The following PLD5 variants were observed in gnomAD, a reference collection of about 807,000 sequenced individuals.
PLD5 encodes phospholipase D family member 5.
A neutral mutation model predicts 61.1 loss-of-function variants in PLD5; 36 were observed. That is an observed-to-expected ratio of 0.59 (90% CI 0.45 to 0.78). The LOEUF (loss-of-function observed/expected upper bound fraction) is 0.78, where lower values mean the gene tolerates loss of function less well. Ranked by LOEUF, PLD5 falls within the 30% of genes least tolerant of loss-of-function variation. The pLI, the probability that PLD5 is intolerant of heterozygous loss-of-function variation, is 0.00. For missense variants in PLD5, 515 were observed against 644.4 expected (o/e 0.80, Z 2.17); for synonymous variants, 243 against 242.8 (o/e 1.00, Z -0.01).
rs7525645 is a variant in PLD5, at chr1:242,378,306, C to T, written c.190-30064G>A. Among the ~76,000 whole-genome samples, 790 of 152,100 alleles carry T rather than the reference C, an allele frequency of 5.2e-3. 9 individuals carry two copies. The highest frequency in any genetic ancestry group is 0.025 in the Admixed American group (380 of 15,270). On this transcript the variant is annotated intron_variant, in intron 1 of 9. Transcript: ENST00000536534. ...CACTTACACGAGGTACTTAGTGTAG[C>T]CAAATTCAAAGAGAAAAAAGTAGAA...
chr1:242,253,150 C>T (rs1428231927), intron 4 of PLD5, among the ~76,000 whole-genome samples: 1 of 123,124 alleles, frequency 8.1e-6, no homozygotes, highest in East Asian at 2.4e-4. Flanking sequence ...GGCAGGGTCT[C>T]ACTCTATCGC....
chr1:242,215,044 T>C (rs1190734719), intron 5 of PLD5, among the ~76,000 whole-genome samples: 1 of 12,398 alleles, frequency 8.1e-5, no homozygotes, highest in African/African-American at 1.3e-4. Context: ...GCCTGGCCAA[T>C]TTTTTTTTTT....
chr1:242,301,387 T>A (rs1182134634), intron 2 of PLD5, among the ~76,000 whole-genome samples: 1 of 152,228 alleles, frequency 6.6e-6, no homozygotes, highest in Non-Finnish European at 1.5e-5. Context: ...ATATGCCACC[T>A]GAAAATATGC....
rs546904423 is a variant in PLD5 at position 242,407,054 on chromosome 1, C to T, written c.190-58812G>A. Among the ~76,000 whole-genome samples, 57 of 152,228 alleles carry T rather than the reference C, an allele frequency of 3.7e-4. 1 individual carries two copies. Among genetic ancestry groups the T allele is most frequent in the Middle Eastern group, 3.4e-3 (1 of 294 alleles). ...ATCTGATCTTGAATTTTATGTAGCT[C>T]TTATAATTCCCATGTCTTGTGGGAG... On this transcript the variant is annotated intron_variant, in intron 1 of 9. Transcript: ENST00000536534.
chr1:242,365,993 G>C (rs148989767), intron 1 of PLD5, among the ~76,000 whole-genome samples: 3 of 152,156 alleles, frequency 2.0e-5, no homozygotes. Flanking sequence ...GGCATCATTA[G>C]TGAGTTCTGT....
rs1427098512 is a variant in PLD5 at position 242,524,570 on chromosome 1, C to G, written c.-294G>C. Reference sequence around the variant, plus strand: ...GGGGGACGGACGGGGAGAAGGGGGACGAGAGGGGACAGGGAGGGAAAGGAA... The same window carrying G: ...GGGGGACGGACGGGGAGAAGGGGGAGGAGAGGGGACAGGGAGGGAAAGGAA... On this transcript the variant is annotated 5_prime_UTR_variant, in exon 1 of 10. Coordinates refer to ENST00000536534, the MANE Select transcript of PLD5 (RefSeq NM_001372062.1). 4.7e-6 allele frequency: 1 copy of G among 211,490 alleles called. No homozygotes were observed. The highest frequency in any genetic ancestry group is 2.7e-5 in the African/African-American group (1 of 36,888). 13.1% of individuals were successfully genotyped at this position (211,490 alleles called of 1,614,324 possible).
In PLD5 at chr1:242,436,250, C is replaced by T. The variant is rs113142137; in HGVS notation, c.189+87838G>A. Among the ~76,000 whole-genome samples, 1,287 of 152,230 alleles carry T rather than the reference C, an allele frequency of 8.5e-3. 19 individuals carry two copies. The highest frequency in any genetic ancestry group is 0.026 in the African/African-American group (1,079 of 41,512). Reference sequence around the variant, plus strand: ...ATCCCATTTACTTTAACATTTCTTTCGTAGGTCTTATTTTTCATCCTCTAA... The same window carrying T: ...ATCCCATTTACTTTAACATTTCTTTTGTAGGTCTTATTTTTCATCCTCTAA... On this transcript the variant is annotated intron_variant, in intron 1 of 9. Transcript: ENST00000536534.
At chr1:242,269,506 G>A (rs2149109812) in intron 3 of PLD5, among the ~76,000 whole-genome samples, 1 of 150,828 alleles carries the variant, frequency 6.6e-6, no homozygotes, top group Non-Finnish European at 1.5e-5. Flanking sequence ...GCTGGGCCCA[G>A]GAATCAAACT....
chr1:242,154,647 T>G (rs1665211737), intron 5 of PLD5, among the ~76,000 whole-genome samples: 1 of 152,168 alleles, frequency 6.6e-6, no homozygotes, highest in South Asian at 2.1e-4. Flanking sequence ...GGATTACATT[T>G]ATTGATTTGT....
intron 1 of PLD5, among the ~76,000 whole-genome samples, chr1:242,520,417 G>T (rs1558166232): frequency 6.6e-6 from 1 of 152,132 alleles, no homozygotes; most frequent in Non-Finnish European, 1.5e-5. Flanking sequence ...GCAAACCAGC[G>T]ACTTCTCTAA....
intron 3 of PLD5, among the ~76,000 whole-genome samples, chr1:242,283,725 C>A (rs1674854428): frequency 1.3e-5 from 2 of 152,136 alleles, no homozygotes; most frequent in South Asian, 4.2e-4. Flanking sequence ...ACGCAATAAA[C>A]CAATGAGAGA....
chr1:242,417,642 C>G (rs529327907), intron 1 of PLD5, among the ~76,000 whole-genome samples: 1 of 152,320 alleles, frequency 6.6e-6, no homozygotes, highest in South Asian at 2.1e-4. Context: ...CCAGCATGCC[C>G]TTGAATTCCT....
chr1:242,312,978 T>C (rs2149176065), intron 2 of PLD5, among the ~76,000 whole-genome samples: 1 of 152,356 alleles, frequency 6.6e-6, no homozygotes, highest in East Asian at 1.9e-4. Context: ...CTTCCTAGTC[T>C]GCCATCTTCC....
intron 9 of PLD5, among the ~76,000 whole-genome samples, chr1:242,094,998 G>GCA (rs201498162): frequency 0.24 from 36,861 of 150,882 alleles, 4,597 homozygotes; most frequent in South Asian, 0.32. Context: ...GAGTGCAGTG[G>GCA]CAATCTCGGC....
chr1:242,501,013 TA>T (rs1668538146), intron 1 of PLD5, among the ~76,000 whole-genome samples: 1 of 152,148 alleles, frequency 6.6e-6, no homozygotes, highest in African/African-American at 2.4e-5. Flanking sequence ...TACCTTTTCA[TA>T]AAAAGGAAAA....
At position 242,107,905 on chromosome 1, in the gene PLD5, C is replaced by T; in HGVS notation, c.1071-66G>A. The T allele has an allele frequency of 2.9e-6, 4 of 1,391,414 alleles. No homozygotes were observed. In the South Asian group the frequency reaches 5.6e-5, roughly 19 times the overall value. The allele number at this position is 1,391,414 out of a possible 1,614,324, so 86.2% of individuals were successfully genotyped here. A position where few individuals can be genotyped will look rare whatever the true frequency, so the allele number is the denominator to read the frequency against. On this transcript the variant is annotated intron_variant, in intron 7 of 9. Coordinates refer to ENST00000536534, the MANE Select transcript of PLD5 (RefSeq NM_001372062.1). ...AGTTTGGGAAAAGAAATTTACTAGA[C>T]AGCATAGAACATTGATATTACTCAG...
rs1663112779 is a variant in PLD5, at chr1:242,393,630, A to ACATATATGTGTATATATATGAG, written c.190-45389_190-45388insCTCATATATATACACATATATG. Among the ~76,000 whole-genome samples the ACATATATGTGTATATATATGAG allele has an allele frequency of 2.0e-5, 2 of 100,836 alleles. 1 individual carries two copies. Among genetic ancestry groups the ACATATATGTGTATATATATGAG allele is most frequent in the Non-Finnish European group, 3.8e-5 (2 of 52,440 alleles). The allele number at this position is 100,836 out of a possible 152,430, so 66.2% of individuals were successfully genotyped here. A position where few individuals can be genotyped will look rare whatever the true frequency, so the allele number is the denominator to read the frequency against. On this transcript the variant is annotated intron_variant, in intron 1 of 9. Coordinates refer to ENST00000536534, the MANE Select transcript of PLD5 (RefSeq NM_001372062.1). ...AGCATATATGTGTATATATATGAGT[A>ACATATATGTGTATATATATGAG]TATATATGTGTATATATATGAGTAT...
chr1:242,220,985 C>T (rs1420695158), intron 4 of PLD5, among the ~76,000 whole-genome samples: 2 of 152,146 alleles, frequency 1.3e-5, no homozygotes, highest in African/African-American at 2.4e-5. Flanking sequence ...GATCCACTCG[C>T]CTCGGCCTTC....
intron 4 of PLD5, among the ~76,000 whole-genome samples, chr1:242,250,047 T>A (rs1448089500): frequency 6.6e-6 from 1 of 152,226 alleles, no homozygotes; most frequent in Non-Finnish European, 1.5e-5. Flanking sequence ...AAGTTATTCC[T>A]TCACCACCTT....
Sources: allele counts gnomAD v4.1 joint callset (sites outside exome capture counted in the v4.1 genomes callset), GRCh38; gene constraint gnomAD v4.1.1; transcripts MANE v1.5; gene names NCBI Gene and HGNC (gene_info 2026-07-23, HGNC 2026-07-21).